Variants in HPSE2 observed in about 807,000 individuals in gnomAD.
The protein encoded by HPSE2 is inactive heparanase-2.
HPSE2 carries 38 observed loss-of-function variants against 60.5 expected under a neutral mutation model. The ratio of observed to expected loss-of-function variants is 0.63; its 90% CI spans 0.48 to 0.82. The LOEUF is 0.82. Ranked by LOEUF, HPSE2 falls within the 40% of genes least tolerant of loss-of-function variation. The probability of loss-of-function intolerance (pLI) is 0.00; values close to 1 mark genes in which losing one functional copy is unlikely to be tolerated. For missense variants in HPSE2, 713 were observed against 740.4 expected (o/e 0.96, Z 0.43); for synonymous variants, 295 against 293.2 (o/e 1.01, Z -0.06).
intron 2 of HPSE2, among the ~76,000 whole-genome samples, chr10:99,201,013 A>T (rs138469340): frequency 3.3e-5 from 5 of 152,332 alleles, no homozygotes; most frequent in Middle Eastern, 3.4e-3. Context: ...AATAGGTAAA[A>T]GCAGAAAAGT....
intron 3 of HPSE2, among the ~76,000 whole-genome samples, chr10:98,766,500 C>T (rs1360036771): frequency 6.6e-6 from 1 of 152,100 alleles, no homozygotes; most frequent in Non-Finnish European, 1.5e-5. Context: ...AAGATATAAG[C>T]CAACATCTCT....
At chr10:98,585,516 C>T (rs1345428549) in intron 9 of HPSE2, among the ~76,000 whole-genome samples, 9 of 151,716 alleles carry the variant, frequency 5.9e-5, no homozygotes, top group African/African-American at 1.2e-4. Context: ...GTGATCTGCT[C>T]GCCTCAGCCT....
chr10:99,240,409 CTTTTTTT>C (rs1300852308), upstream of HPSE2, among the ~76,000 whole-genome samples: 1 of 117,190 alleles, frequency 8.5e-6, no homozygotes, highest in Non-Finnish European at 1.9e-5. Flanking sequence ...CAATGATTTT[CTTTTTTT>C]TTTTTTTTTT....
intron 3 of HPSE2, among the ~76,000 whole-genome samples, chr10:98,788,594 G>C (rs1228360641): frequency 6.6e-6 from 1 of 152,278 alleles, no homozygotes; most frequent in South Asian, 2.1e-4. Context: ...AGCAATTAGC[G>C]AGATTCCGTG....
At chr10:99,271,222 T>C in the HPSE2 span, among the ~76,000 whole-genome samples, 1 of 152,142 alleles carries the variant, frequency 6.6e-6, no homozygotes, top group South Asian at 2.1e-4. Flanking sequence ...GACATGACTG[T>C]ATACATAGAA....
At chr10:98,527,364 A>C (rs1943000083) in intron 9 of HPSE2, among the ~76,000 whole-genome samples, 1 of 152,190 alleles carries the variant, frequency 6.6e-6, no homozygotes, top group African/African-American at 2.4e-5. Flanking sequence ...CACACTCTGC[A>C]TGATCTGCCC....
rs535943332 is a variant in HPSE2, at chr10:98,543,320, C to T, written c.1321-53124G>A. 1.1e-4 allele frequency among the ~76,000 whole-genome samples: 16 copies of T among 151,936 alleles called. No individual in the cohort carries two copies. In the South Asian group the frequency reaches 2.5e-3, roughly 24 times the overall value. On this transcript the variant is annotated intron_variant, in intron 9 of 11. Transcript: ENST00000370552. ...ACCAGGCCTGCCGTAAAAGAGCTCCCGAAGGAAGTGCTAAACATGGAAAGG... is the reference window on the plus strand; with the variant it reads ...ACCAGGCCTGCCGTAAAAGAGCTCCTGAAGGAAGTGCTAAACATGGAAAGG...
chr10:99,159,411 A>C (rs981306828), intron 2 of HPSE2, among the ~76,000 whole-genome samples: 3 of 152,162 alleles, frequency 2.0e-5, no homozygotes, highest in African/African-American at 7.2e-5. Context: ...TGCGTGGTGA[A>C]ACAGTTATGC....
chr10:99,210,469 AAAGAT>A (rs1255280338), intron 2 of HPSE2, among the ~76,000 whole-genome samples: 1 of 152,232 alleles, frequency 6.6e-6, no homozygotes. Context: ...TACTACAAGA[AAAGAT>A]AATTATGGAC....
chr10:98,489,929 G>C, intron 10 of HPSE2, 122 bp downstream of exon 10: 1 of 1,086,554 alleles, frequency 9.2e-7, no homozygotes. Context: ...CAGGTATGGT[G>C]ATTCCAGAGG....
chr10:98,720,201 T>C (rs985193804), intron 5 of HPSE2, among the ~76,000 whole-genome samples: 2 of 152,000 alleles, frequency 1.3e-5, no homozygotes, highest in African/African-American at 2.4e-5. Context: ...TAATAACGAA[T>C]TGAGTGTGTG....
chr10:99,108,759 T>A (rs1202415516), intron 3 of HPSE2, among the ~76,000 whole-genome samples: 1 of 152,192 alleles, frequency 6.6e-6, no homozygotes, highest in Non-Finnish European at 1.5e-5. Flanking sequence ...AAGTGACACC[T>A]TTACTACAGG....
intron 3 of HPSE2, among the ~76,000 whole-genome samples, chr10:99,011,542 C>T (rs1957015511): frequency 6.6e-6 from 1 of 151,624 alleles, no homozygotes; most frequent in Admixed American, 6.6e-5. Flanking sequence ...CAGATCACGA[C>T]GTCAAGAGAT....
intron 3 of HPSE2, among the ~76,000 whole-genome samples, chr10:99,039,070 A>G (rs546835427): frequency 2.6e-5 from 4 of 152,236 alleles, no homozygotes; most frequent in Admixed American, 2.6e-4. Flanking sequence ...GTAGTTTACT[A>G]GTTTCCACTG....
chr10:98,975,181 A>G (rs1956056481), intron 3 of HPSE2, among the ~76,000 whole-genome samples: 1 of 152,222 alleles, frequency 6.6e-6, no homozygotes, highest in Admixed American at 6.5e-5. Context: ...GATTTAATGA[A>G]GAAACTGCAA....
chr10:98,890,485 T>C (rs1021623750), intron 3 of HPSE2, among the ~76,000 whole-genome samples: 1 of 152,136 alleles, frequency 6.6e-6, no homozygotes, highest in Non-Finnish European at 1.5e-5. Context: ...ATTTTAACTA[T>C]ATAAAATGTA....
chr10:99,309,726 T>C, the HPSE2 span, among the ~76,000 whole-genome samples: 1 of 152,236 alleles, frequency 6.6e-6, no homozygotes, highest in East Asian at 1.9e-4. Flanking sequence ...ATATAGCTTA[T>C]TAATATCTGG....
At chr10:98,834,077 C>T (rs1435691062) in intron 3 of HPSE2, among the ~76,000 whole-genome samples, 1 of 151,934 alleles carries the variant, frequency 6.6e-6, no homozygotes, top group African/African-American at 2.4e-5. Context: ...AAAAAGTTGC[C>T]AAATAAACAA....
In HPSE2 at chr10:98,601,394, C is replaced by T. The variant is rs79001337; in HGVS notation, c.1320+13510G>A. Among the ~76,000 whole-genome samples the T allele has an allele frequency of 1.2e-4, 18 of 152,292 alleles. No individual in the cohort carries two copies. In the East Asian group the frequency reaches 3.5e-3, roughly 29 times the overall value. On this transcript the variant is annotated intron_variant, in intron 9 of 11. Coordinates refer to ENST00000370552, the MANE Select transcript of HPSE2 (RefSeq NM_021828.5). The stretch of plus-strand genomic sequence containing the variant: ...ATGGAACAAATTTGGTCTCAGCCTC[C>T]ATCCATCAGATTAATCAGAGTAGCT...
Sources: gnomAD v4.1 joint callset for allele counts (sites outside exome capture counted in the v4.1 genomes callset) on GRCh38, gnomAD v4.1.1 for gene constraint, MANE v1.5 for transcripts, NCBI Gene and HGNC (gene_info 2026-07-23, HGNC 2026-07-21) for gene names.